The following EP400 variants were observed in gnomAD, a reference collection of about 807,000 sequenced individuals.
The protein encoded by EP400 is E1A-binding protein p400.
EP400 carries 105 observed loss-of-function variants against 354.1 expected under a neutral mutation model. The observed-to-expected ratio is 0.30, with a 90% CI of 0.25 to 0.35. The LOEUF is 0.35. Among genes scored for constraint, EP400 ranks in the 10% least tolerant of loss-of-function variants. The probability of loss-of-function intolerance (pLI) is 1.00; values close to 1 mark genes in which losing one functional copy is unlikely to be tolerated. For synonymous variants in EP400, 1,646 were observed against 1,716.9 expected (o/e 0.96, Z 1.02); for missense variants, 3,280 against 4,121.0 (o/e 0.80, Z 5.59).
chr12:131,982,559 C>T, intron 5 of EP400, 81 bp downstream of exon 5: 1 of 1,484,982 alleles, frequency 6.7e-7, no homozygotes, highest in East Asian at 2.3e-5. Flanking sequence ...AGTGTCACAC[C>T]ACACTGTAAT....
intron 30 of EP400, among the ~76,000 whole-genome samples, chr12:132,032,670 G>A (rs1196431908): frequency 2.7e-5 from 4 of 145,810 alleles, no homozygotes; most frequent in African/African-American, 5.1e-5. Flanking sequence ...TTACTCTGTC[G>A]CTCAGGCGGT....
intron 2 of EP400, among the ~76,000 whole-genome samples, chr12:131,963,860 C>T (rs1891983748): frequency 6.6e-6 from 1 of 152,100 alleles, no homozygotes; most frequent in African/African-American, 2.4e-5. Flanking sequence ...CTTTCGTATA[C>T]TTGTAATGCG....
intron 37 of EP400, 91 bp downstream of exon 37, chr12:132,045,044 C>CT (rs1313455239): frequency 9.2e-6 from 14 of 1,522,416 alleles, no homozygotes; most frequent in Non-Finnish European, 1.1e-5. Flanking sequence ...TGCCTGTCTG[C>CT]TGTCTGCCTG....
intron 2 of EP400, among the ~76,000 whole-genome samples, chr12:131,975,444 G>GCTGCA (rs1347747364): frequency 2.6e-5 from 4 of 152,186 alleles, no homozygotes; most frequent in Admixed American, 6.5e-5. Flanking sequence ...TTACGCCAGC[G>GCTGCA]CTGCACTGCA....
In EP400 at chr12:131,990,986, C is replaced by CT. The variant is rs1893013314; in HGVS notation, c.2629+273dup. Among the ~76,000 whole-genome samples, 1 of 152,198 alleles carries CT rather than the reference C, an allele frequency of 6.6e-6. No individual in the cohort carries two copies. Among genetic ancestry groups the CT allele is most frequent in the African/African-American group, 2.4e-5 (1 of 41,452 alleles). On this transcript the variant is annotated intron_variant, in intron 9 of 52. Transcript: ENST00000389561. This position sits in a 1 kb window ranked among gnomAD's most constrained non-coding sequence, Gnocchi z 4.2. Reference sequence around the variant, plus strand: ...CCCTGGACAGTGAGTGAGGAGCTTCCTGAGGTGTTTGCCATGCAGGAGGAT... The same window carrying CT: ...CCCTGGACAGTGAGTGAGGAGCTTCCTTGAGGTGTTTGCCATGCAGGAGGAT...
At chr12:131,997,417 G>T (rs897829995) in intron 12 of EP400, among the ~76,000 whole-genome samples, 2 of 151,834 alleles carry the variant, frequency 1.3e-5, no homozygotes, top group Admixed American at 1.3e-4. Flanking sequence ...TATAGTGCGC[G>T]CTACCACGCC....
At chr12:132,023,277 C>G (rs920489473) in intron 23 of EP400, among the ~76,000 whole-genome samples, 10 of 147,510 alleles carry the variant, frequency 6.8e-5, no homozygotes, top group Non-Finnish European at 1.5e-4. Context: ...GGATTACAGG[C>G]GCCCACCACC....
At chr12:131,988,588 T>G (rs1299858548) in intron 7 of EP400, among the ~76,000 whole-genome samples, 1 of 152,182 alleles carries the variant, frequency 6.6e-6, no homozygotes, top group African/African-American at 2.4e-5. Context: ...AGAATTTATT[T>G]TTCTCCTAAC....
In EP400 at chr12:132,025,049, TC is replaced by T. The variant is rs1282251250; in HGVS notation, c.4856-595del. On this transcript the variant is annotated intron_variant, in intron 24 of 52. Transcript: ENST00000389561. The surrounding 1 kb of genome is among the most constrained non-coding windows in gnomAD (Gnocchi z 4.1). The stretch of plus-strand genomic sequence containing the variant: ...GAGAAACGATTCAGTCTGGTTTACT[TC>T]CTTTTTTTTTTTCTTAAAACAAAAC... Among the ~76,000 whole-genome samples, 1 of 151,080 alleles carries T rather than the reference TC, an allele frequency of 6.6e-6. No homozygotes were observed. The highest frequency in any genetic ancestry group is 2.4e-5 in the African/African-American group (1 of 41,180).
chr12:132,020,171 G>A lies in EP400; in HGVS notation c.4400G>A (p.Arg1467Gln), dbSNP rs1894077860. 3.1e-6 allele frequency: 5 copies of A among 1,610,494 alleles called. No individual in the cohort carries two copies. The highest frequency in any genetic ancestry group is 1.3e-5 in the African/African-American group (1 of 74,916). Residue 1467 changes from arginine to glutamine, a missense_variant, in exon 22 of 53, where the codon CGA becomes CAA. Arg to Gln is a conservative substitution (Grantham distance 43). Around this residue, in one of 20 missense-constraint regions of EP400, gnomAD observed 342 missense variants for 342.7 expected, o/e 1.00. Transcript: ENST00000389561. ...TASAAPQGPL[R>Q]GRPPIATFSA... ...TCTGCTGCTCCACAGGGCCCGCTTC[G>A]AGGACGGCCGCCCATCGCCACGTTC... is the stretch of plus-strand genomic sequence containing the variant.
Position 132,079,563 on chromosome 12 carries a change from C to T in EP400, c.*1890C>T, listed in dbSNP as rs1224982453. The T allele has an allele frequency of 6.6e-6, 1 of 152,250 alleles. No individual in the cohort carries two copies. The highest frequency in any genetic ancestry group is 1.5e-5 in the Non-Finnish European group (1 of 68,040). 9.4% of individuals were successfully genotyped at this position (152,250 alleles called of 1,614,324 possible). ...GTCTTTCCCAAATCTTGGTAGTCTC[C>T]TTATAGTTGAAGATAAAATGTTGAG... On this transcript the variant is annotated 3_prime_UTR_variant, in exon 53 of 53. Transcript: ENST00000389561.
chr12:132,021,385 C>T (rs1593352428), intron 23 of EP400, 64 bp downstream of exon 23: 52 of 1,440,770 alleles, frequency 3.6e-5, no homozygotes, highest in Non-Finnish European at 4.6e-5. Context: ...GTGTTAAGAA[C>T]ACGGGGATGT....
rs559773008 is a variant in EP400, at chr12:132,037,402, T to A, written c.5952-280T>A. ...AGGACCAGGTGGGACATTTCCAGGT[T>A]GAGACTGGTGGGAGAAAAACGGGAT... On this transcript the variant is annotated intron_variant, in intron 30 of 52. Coordinates refer to ENST00000389561, the MANE Select transcript of EP400 (RefSeq NM_015409.5). Among the ~76,000 whole-genome samples the A allele has an allele frequency of 3.3e-5, 5 of 152,248 alleles. No homozygotes were observed. The South Asian group carries it at 1.0e-3, about 32-fold the overall frequency.
chr12:132,060,151 G>A (rs1163794454), intron 45 of EP400, among the ~76,000 whole-genome samples: 2 of 151,974 alleles, frequency 1.3e-5, no homozygotes, highest in East Asian at 3.8e-4. Context: ...TACCAAAACT[G>A]GGGGAAACAA....
chr12:132,068,357 G>T (rs1019508488), intron 50 of EP400: 6 of 152,336 alleles, frequency 3.9e-5, no homozygotes, highest in Admixed American at 3.9e-4. Flanking sequence ...TGAGGAAACT[G>T]AGGCTCAGAG....
rs762234169 is a variant in EP400, at chr12:132,013,525, A to G, written c.3647A>G (p.His1216Arg). Residue 1216 changes from histidine (H) to arginine (R), a missense_variant, in exon 18 of 53, where the codon CAC (histidine) becomes CGC (arginine). His to Arg is a conservative substitution (Grantham distance 29). This residue lies in a region of EP400 where 242 missense variants were observed against 357.9 expected (regional missense o/e 0.68). Transcript: ENST00000389561. This position sits in a 1 kb window ranked among gnomAD's most constrained non-coding sequence, Gnocchi z 4.5. Reference protein sequence around the residue: ...QRLLLIDSPLHNTFLELWTMV... With the variant: ...QRLLLIDSPLRNTFLELWTMV... ...CTGCTTCTGATCGACTCGCCGCTGC[A>G]CAATACCTTCCTGGAGCTCTGGACC... 3 of 1,601,636 alleles carry G rather than the reference A, an allele frequency of 1.9e-6. No homozygotes were observed. The East Asian group carries it at 6.7e-5, about 36-fold the overall frequency.
chr12:132,023,071 T>A (rs79046660), intron 23 of EP400, among the ~76,000 whole-genome samples: 2 of 152,232 alleles, frequency 1.3e-5, no homozygotes, highest in East Asian at 1.9e-4. Context: ...TTCACATTTT[T>A]AAAGTTCTCT....
At chr12:131,987,960 T>C in intron 7 of EP400, 70 bp downstream of exon 7, 2 of 1,152,100 alleles carry the variant, frequency 1.7e-6, no homozygotes, top group Non-Finnish European at 2.3e-6. Flanking sequence ...GTGGTGTAAG[T>C]GGTGGGGAGG....
chr12:132,069,668 G>A (rs748557422), intron 51 of EP400, 27 bp downstream of exon 51: 9 of 1,610,792 alleles, frequency 5.6e-6, no homozygotes, highest in Admixed American at 1.7e-5. Context: ...GTGAGGGCCC[G>A]AGTGTCAGGA....
Sources: allele counts gnomAD v4.1 joint callset (sites outside exome capture counted in the v4.1 genomes callset), GRCh38; gene constraint gnomAD v4.1.1; regional missense constraint gnomAD v4.1.1; non-coding constraint Gnocchi (gnomAD v3.1); transcripts MANE v1.5; gene names NCBI Gene and HGNC (gene_info 2026-07-23, HGNC 2026-07-21).